CDH9: variants seen among roughly 807,000 people sequenced by gnomAD.
CDH9 encodes the protein cadherin 9.
In CDH9, 28 loss-of-function variants were observed where a neutral mutation model predicts 70.9. The ratio of observed to expected loss-of-function variants is 0.40; its 90% CI spans 0.29 to 0.54. The LOEUF (loss-of-function observed/expected upper bound fraction) is 0.54. CDH9 is among the 20% of genes least tolerant of loss of function. The pLI, the probability that CDH9 is intolerant of heterozygous loss-of-function variation, is 0.59. For synonymous variants in CDH9, 409 were observed against 343.1 expected (o/e 1.19, Z -2.12); for missense variants, 874 against 984.4 (o/e 0.89, Z 1.50).
chr5:27,027,189 T>C (rs1262958102), intron 1 of CDH9, among the ~76,000 whole-genome samples: 1 of 152,064 alleles, frequency 6.6e-6, no homozygotes, highest in African/African-American at 2.4e-5. Context: ...GTTCTATCTA[T>C]GATATTGAGT....
chr5:26,946,993 G>C (rs929476756), intron 2 of CDH9, among the ~76,000 whole-genome samples: 5 of 152,160 alleles, frequency 3.3e-5, no homozygotes, highest in Non-Finnish European at 7.4e-5. Context: ...GTGCTAAAGA[G>C]ATTTTTCAGT....
intron 1 of CDH9, among the ~76,000 whole-genome samples, chr5:27,005,420 T>G (rs1742843804): frequency 6.6e-6 from 1 of 151,840 alleles, no homozygotes; most frequent in African/African-American, 2.4e-5. Flanking sequence ...GAAAAAAAGC[T>G]CAGTATCACT....
At chr5:26,952,344 T>C (rs1334189380) in intron 2 of CDH9, among the ~76,000 whole-genome samples, 1 of 142,518 alleles carries the variant, frequency 7.0e-6, no homozygotes, top group African/African-American at 2.6e-5. Flanking sequence ...GCCGGGCGTC[T>C]TGGCTCACGC....
chr5:26,921,628 T>C (rs182266207), intron 2 of CDH9, among the ~76,000 whole-genome samples: 1 of 152,298 alleles, frequency 6.6e-6, no homozygotes, highest in African/African-American at 2.4e-5. Context: ...GGGCTGTTGC[T>C]GATTCATTCA....
At chr5:27,034,760 T>G (rs933709785) in intron 1 of CDH9, among the ~76,000 whole-genome samples, 3 of 151,608 alleles carry the variant, frequency 2.0e-5, no homozygotes, top group African/African-American at 7.3e-5. Flanking sequence ...GTTCAGGCAC[T>G]TTGCATTTGT....
chr5:26,971,843 A>C (rs1742224327), intron 2 of CDH9, among the ~76,000 whole-genome samples: 1 of 152,196 alleles, frequency 6.6e-6, no homozygotes, highest in Admixed American at 6.5e-5. Context: ...ACACAGAGAC[A>C]ACAACCACTG....
chr5:26,932,802 A>G (rs912504288), intron 2 of CDH9, among the ~76,000 whole-genome samples: 4 of 151,660 alleles, frequency 2.6e-5, no homozygotes, highest in African/African-American at 9.7e-5. Flanking sequence ...TTTTCTATTA[A>G]TGTCCCTGAT....
At chr5:26,891,675 C>T (rs1016122343) in intron 7 of CDH9, among the ~76,000 whole-genome samples, 4 of 104,684 alleles carry the variant, frequency 3.8e-5, no homozygotes, top group Non-Finnish European at 7.4e-5. Flanking sequence ...GAGACTCCAT[C>T]TCAAAAACAA....
chr5:27,014,105 A>G (rs2112118120), intron 1 of CDH9, among the ~76,000 whole-genome samples: 1 of 152,092 alleles, frequency 6.6e-6, no homozygotes, highest in East Asian at 1.9e-4. Flanking sequence ...CATCTCAAAT[A>G]TGACCAGATA....
At chr5:27,008,016 G>A (rs894790007) in intron 1 of CDH9, among the ~76,000 whole-genome samples, 2 of 152,158 alleles carry the variant, frequency 1.3e-5, no homozygotes, top group Non-Finnish European at 2.9e-5. Context: ...TTACATAGAC[G>A]TTATACATGT....
intron 7 of CDH9, among the ~76,000 whole-genome samples, chr5:26,901,942 T>G (rs946232742): frequency 3.9e-5 from 6 of 151,902 alleles, no homozygotes; most frequent in African/African-American, 1.2e-4. Context: ...CTTCAAAAAT[T>G]TTGATATGTG....
At chr5:26,988,665 A>C (rs1742529962) in intron 1 of CDH9, among the ~76,000 whole-genome samples, 1 of 152,030 alleles carries the variant, frequency 6.6e-6, no homozygotes, top group South Asian at 2.1e-4. Context: ...TAAAACACTA[A>C]ATATTTTGAA....
chr5:27,010,536 T>C (rs967209493), intron 1 of CDH9, among the ~76,000 whole-genome samples: 3 of 152,140 alleles, frequency 2.0e-5, no homozygotes, highest in Non-Finnish European at 4.4e-5. Context: ...AATACAGCCA[T>C]AGTGACAAGC....
intron 11 of CDH9, among the ~76,000 whole-genome samples, chr5:26,883,168 A>G (rs3931206): frequency 0.55 from 78,973 of 144,202 alleles, 22,240 homozygotes; most frequent in East Asian, 0.8. Flanking sequence ...AGTCCAACAT[A>G]GATCTGACAT....
At chr5:27,037,990 T>C (rs2112143023) in intron 1 of CDH9, among the ~76,000 whole-genome samples, 1 of 152,112 alleles carries the variant, frequency 6.6e-6, no homozygotes, top group East Asian at 1.9e-4. Context: ...GCATTTCTTA[T>C]TCAATTATTA....
intron 1 of CDH9, among the ~76,000 whole-genome samples, chr5:27,026,706 A>C (rs1743226768): frequency 6.6e-6 from 1 of 151,992 alleles, no homozygotes; most frequent in Non-Finnish European, 1.5e-5. Flanking sequence ...AAAAAAAATT[A>C]GTAAATACTA....
intron 2 of CDH9, among the ~76,000 whole-genome samples, chr5:26,917,511 C>A (rs1203408276): frequency 1.3e-5 from 2 of 152,142 alleles, no homozygotes; most frequent in East Asian, 3.9e-4. Flanking sequence ...CTGCCCTCAC[C>A]TATTTCTTCA....
intron 1 of CDH9, among the ~76,000 whole-genome samples, chr5:27,000,598 TGG>T (rs1334179247): frequency 1.3e-5 from 2 of 152,032 alleles, no homozygotes; most frequent in Non-Finnish European, 2.9e-5. Context: ...CCACATAACA[TGG>T]GAATCACACT....
chr5:26,977,339 G>A (rs1011519801), intron 2 of CDH9, among the ~76,000 whole-genome samples: 1 of 151,748 alleles, frequency 6.6e-6, no homozygotes, highest in Non-Finnish European at 1.5e-5. Context: ...TGACCAGACA[G>A]AAAAATAAAA....
Sources: allele counts gnomAD v4.1 joint callset (sites outside exome capture counted in the v4.1 genomes callset), GRCh38; gene constraint gnomAD v4.1.1; transcripts MANE v1.5; gene names NCBI Gene and HGNC (gene_info 2026-07-23, HGNC 2026-07-21).